The following EDAR variants were observed in gnomAD, a reference collection of about 807,000 sequenced individuals.
The protein encoded by EDAR is ectodysplasin A receptor, also known as tumor necrosis factor receptor superfamily member EDAR.
EDAR carries 38 observed loss-of-function variants against 51.3 expected under a neutral mutation model. The ratio of observed to expected loss-of-function variants is 0.74; its 90% CI spans 0.57 to 0.97. The LOEUF (loss-of-function observed/expected upper bound fraction) is 0.97. EDAR is among the 50% of genes least tolerant of loss of function. EDAR has a pLI of 0.00. For synonymous variants in EDAR, 227 were observed against 242.1 expected, an observed-to-expected ratio of 0.94 and a Z score of 0.58; for missense variants, 528 against 595.0, an observed-to-expected ratio of 0.89 and a Z score of 1.17.
intron 11 of EDAR, among the ~76,000 whole-genome samples, chr2:108,898,470 G>A (rs1301453830): frequency 6.6e-6 from 1 of 152,182 alleles, no homozygotes; most frequent in African/African-American, 2.4e-5. Context: ...ATCAAAAGGA[G>A]CCAGCTAAAA....
At chr2:108,902,037 A>G (rs1696710292) in intron 11 of EDAR, among the ~76,000 whole-genome samples, 1 of 152,170 alleles carries the variant, frequency 6.6e-6, no homozygotes, top group Non-Finnish European at 1.5e-5. Flanking sequence ...CAGGAGTTCA[A>G]GACCAGCCTG....
chr2:108,927,215 C>A (rs1188965787), intron 4 of EDAR, among the ~76,000 whole-genome samples: 1 of 152,206 alleles, frequency 6.6e-6, no homozygotes, highest in Non-Finnish European at 1.5e-5. Context: ...CCCTTGCCTG[C>A]CCAGCAGGTG....
chr2:108,963,524 T>C (rs1698093388), intron 1 of EDAR, among the ~76,000 whole-genome samples: 1 of 152,138 alleles, frequency 6.6e-6, no homozygotes. Context: ...ACCCCAATGG[T>C]TTCGTCTGGT....
intron 1 of EDAR, among the ~76,000 whole-genome samples, chr2:108,962,903 T>A (rs1029527176): frequency 1.1e-4 from 17 of 152,230 alleles, no homozygotes; most frequent in Admixed American, 4.6e-4. Flanking sequence ...AAACAAGAGA[T>A]CTGCAGACAA....
chr2:108,910,340 G>A (rs529050009), intron 9 of EDAR, 120 bp downstream of exon 9: 7 of 808,826 alleles, frequency 8.7e-6, no homozygotes, highest in East Asian at 5.1e-5. Context: ...GTCTGTCGCC[G>A]AACGTCCCCA....
chr2:108,904,182 G>A (rs925224978), intron 11 of EDAR, among the ~76,000 whole-genome samples: 2 of 151,952 alleles, frequency 1.3e-5, no homozygotes, highest in Non-Finnish European at 2.9e-5. Context: ...TCATTTTACT[G>A]AAGAGGACAC....
chr2:108,900,364 T>C lies in EDAR; in HGVS notation c.1025-3135A>G, dbSNP rs564656214. Among the ~76,000 whole-genome samples the C allele has an allele frequency of 2.0e-5, 3 of 152,284 alleles. No individual in the cohort carries two copies. The East Asian group carries it at 5.8e-4, about 29-fold the overall frequency. ...TGAGGTCAGGAGTTCTAGACCAGCC[T>C]GGTCAACACGGTGAAACCCTGTTTC... On this transcript the variant is annotated intron_variant, in intron 11 of 11. Coordinates refer to ENST00000258443, the MANE Select transcript of EDAR (RefSeq NM_022336.4).
intron 5 of EDAR, among the ~76,000 whole-genome samples, chr2:108,916,940 G>A (rs1697039587): frequency 6.6e-6 from 1 of 152,120 alleles, no homozygotes; most frequent in South Asian, 2.1e-4. Flanking sequence ...AGGACATGGG[G>A]ATTCAGACTT....
intron 1 of EDAR, among the ~76,000 whole-genome samples, chr2:108,940,552 G>A (rs967903141): frequency 2.0e-5 from 3 of 152,240 alleles, no homozygotes; most frequent in South Asian, 2.1e-4. Context: ...GCCCCAGATC[G>A]GGCGGAGGTG....
chr2:108,899,814 C>T lies in EDAR; in HGVS notation c.1025-2585G>A, dbSNP rs535105738. On this transcript the variant is annotated intron_variant, in intron 11 of 11. Transcript: ENST00000258443. ...TAGCCTGGCCAACATGGTGAAACCC[C>T]GTCTCTACTAAAAACACAAAAAACA... 9.2e-5 allele frequency among the ~76,000 whole-genome samples: 14 copies of T among 151,944 alleles called. 2 individuals are homozygous for T. The highest frequency in any genetic ancestry group is 2.7e-4 in the African/African-American group (11 of 41,442).
At chr2:108,933,680 A>C (rs1697413131) in intron 1 of EDAR, among the ~76,000 whole-genome samples, 1 of 152,190 alleles carries the variant, frequency 6.6e-6, no homozygotes, top group South Asian at 2.1e-4. Flanking sequence ...GGACTGAGGC[A>C]AGATTGAGGA....
intron 5 of EDAR, among the ~76,000 whole-genome samples, chr2:108,913,511 A>G (rs1696968749): frequency 6.6e-6 from 1 of 152,162 alleles, no homozygotes; most frequent in Non-Finnish European, 1.5e-5. Flanking sequence ...TATGCTCACT[A>G]TTAAAAATCT....
chr2:108,923,430 G>C lies in EDAR; in HGVS notation c.380C>G (p.Pro127Arg), dbSNP rs757595565. ...LPGYYMLENR[P>R]RNIYGMVCYS... ...GCAGACCATGCCATAGATGTTCCTCGGTCTGTTCTCCAGCATGTAGTAGCT... is the reference window on the plus strand; with the variant it reads ...GCAGACCATGCCATAGATGTTCCTCCGTCTGTTCTCCAGCATGTAGTAGCT... Residue 127 changes from proline to arginine, a missense_variant, in exon 5 of 12, where the codon CCG becomes CGG. Transcript: ENST00000258443. The C allele has an allele frequency of 7.4e-6, 12 of 1,614,144 alleles. No individual in the cohort carries two copies. Among genetic ancestry groups the C allele is most frequent in the Non-Finnish European group, 9.3e-6 (11 of 1,180,020 alleles).
chr2:108,958,642 G>T (rs1230747980), intron 1 of EDAR, among the ~76,000 whole-genome samples: 3 of 152,232 alleles, frequency 2.0e-5, no homozygotes, highest in Non-Finnish European at 4.4e-5. Flanking sequence ...GCAGAGCCAG[G>T]AGTCAGTCTC....
chr2:108,968,007 A>G (rs1303342831), intron 1 of EDAR, among the ~76,000 whole-genome samples: 1 of 152,180 alleles, frequency 6.6e-6, no homozygotes, highest in Non-Finnish European at 1.5e-5. Context: ...TGGAGAGATC[A>G]TAGAGAGATG....
In EDAR at chr2:108,902,397, A is replaced by C. The variant is rs528018441; in HGVS notation, c.1024+3911T>G. Among the ~76,000 whole-genome samples, 22 of 151,820 alleles carry C rather than the reference A, an allele frequency of 1.4e-4. No homozygotes were observed. In the South Asian group the frequency reaches 2.0e-3, roughly 14 times the overall value. On this transcript the variant is annotated intron_variant, in intron 11 of 11. Coordinates refer to ENST00000258443, the MANE Select transcript of EDAR (RefSeq NM_022336.4). ...TCTCAAAAACAAAACAAAACAAAAC[A>C]AAAAAACCTCCCCAAAAGAAATCTC... is the stretch of plus-strand genomic sequence containing the variant.
At chr2:108,935,791 T>C (rs1033361207) in intron 1 of EDAR, among the ~76,000 whole-genome samples, 3 of 152,160 alleles carry the variant, frequency 2.0e-5, no homozygotes, top group Admixed American at 1.3e-4. Flanking sequence ...ACAGATAGGG[T>C]CCCTGCTCTA....
At chr2:108,963,453 G>A (rs1469060330) in intron 1 of EDAR, among the ~76,000 whole-genome samples, 2 of 152,116 alleles carry the variant, frequency 1.3e-5, no homozygotes, top group African/African-American at 4.8e-5. Flanking sequence ...ATTTGAAAGT[G>A]GATTCACGTG....
chr2:108,900,565 A>AT (rs1377921192), intron 11 of EDAR, among the ~76,000 whole-genome samples: 22 of 74,898 alleles, frequency 2.9e-4, no homozygotes, highest in Admixed American at 2.6e-3. Context: ...AAAAAGAAAA[A>AT]AAAAAAAACA....
Sources: allele counts gnomAD v4.1 joint callset (sites outside exome capture counted in the v4.1 genomes callset), GRCh38; gene constraint gnomAD v4.1.1; transcripts MANE v1.5; gene names NCBI Gene and HGNC (gene_info 2026-07-23, HGNC 2026-07-21).